Variants in PTPRK observed in about 807,000 individuals in gnomAD.
PTPRK encodes protein tyrosine phosphatase receptor type K.
A neutral mutation model predicts 178.0 loss-of-function variants in PTPRK; 75 were observed. That is an observed-to-expected ratio of 0.42 (90% confidence interval 0.35 to 0.51). The LOEUF (loss-of-function observed/expected upper bound fraction) is 0.51, where lower values mean the gene tolerates loss of function less well. Among genes scored for constraint, PTPRK ranks in the 20% least tolerant of loss-of-function variants. PTPRK has a pLI of 0.02. For missense variants in PTPRK, 1,441 were observed against 1,797.8 expected, an observed-to-expected ratio of 0.80 and a Z score of 3.59; for synonymous variants, 637 against 620.6, an observed-to-expected ratio of 1.03 and a Z score of -0.39.
At chr6:128,213,047 T>C (rs1009339946) in intron 6 of PTPRK, among the ~76,000 whole-genome samples, 6 of 152,082 alleles carry the variant, frequency 3.9e-5, no homozygotes, top group African/African-American at 1.4e-4. Flanking sequence ...ATAATTTTTC[T>C]ACTACTCTTA....
At chr6:128,055,596 T>C (rs934169336) in intron 13 of PTPRK, among the ~76,000 whole-genome samples, 2 of 152,044 alleles carry the variant, frequency 1.3e-5, no homozygotes, top group African/African-American at 4.8e-5. Flanking sequence ...TATTGTTTTT[T>C]GTTTTGTTTT....
chr6:128,159,378 C>CAAGTGATT (rs1198908936), intron 7 of PTPRK, among the ~76,000 whole-genome samples: 2 of 151,710 alleles, frequency 1.3e-5, no homozygotes, highest in African/African-American at 4.8e-5. Flanking sequence ...ATAAAAATGC[C>CAAGTGATT]AAGTGATTTT....
At chr6:128,198,028 C>T (rs2128255534) in intron 6 of PTPRK, among the ~76,000 whole-genome samples, 1 of 152,198 alleles carries the variant, frequency 6.6e-6, no homozygotes, top group East Asian at 1.9e-4. Flanking sequence ...ATTCTAGCCT[C>T]CAGGAGTTTA....
intron 3 of PTPRK, among the ~76,000 whole-genome samples, chr6:128,262,244 T>A (rs988328038): frequency 6.6e-6 from 1 of 152,160 alleles, no homozygotes; most frequent in African/African-American, 2.4e-5. Flanking sequence ...CTCCCTAGGT[T>A]TAAAATGTGA....
At chr6:128,322,518 T>C (rs1267933711) in intron 2 of PTPRK, among the ~76,000 whole-genome samples, 1 of 151,976 alleles carries the variant, frequency 6.6e-6, no homozygotes. Context: ...ACACATTCTG[T>C]ATCAATTCAT....
In PTPRK at chr6:128,127,163, A is replaced by G. The variant is rs1793514166; in HGVS notation, c.1163-37171T>C. ...GATCTATATGTCTAGTATTTCTCCA[A>G]TACCACATTATCTTGACTACTGTAG... On this transcript the variant is annotated intron_variant, in intron 7 of 29. Transcript: ENST00000368226. Among the ~76,000 whole-genome samples, 3 of 152,290 alleles carry G rather than the reference A, an allele frequency of 2.0e-5. No individual in the cohort carries two copies. In the South Asian group the frequency reaches 6.2e-4, roughly 32 times the overall value.
intron 1 of PTPRK, among the ~76,000 whole-genome samples, chr6:128,470,304 T>C (rs1432951350): frequency 6.6e-6 from 1 of 151,574 alleles, no homozygotes; most frequent in African/African-American, 2.4e-5. Context: ...TCTAAGGTTT[T>C]CTAGAGTTCT....
intron 7 of PTPRK, among the ~76,000 whole-genome samples, chr6:128,158,431 A>G (rs1414279313): frequency 1.3e-5 from 2 of 151,926 alleles, no homozygotes; most frequent in Admixed American, 6.6e-5. Flanking sequence ...GAAAGTATCT[A>G]TAAGGAAATG....
intron 1 of PTPRK, among the ~76,000 whole-genome samples, chr6:128,493,759 T>C (rs1854249554): frequency 6.6e-6 from 1 of 152,042 alleles, no homozygotes; most frequent in South Asian, 2.1e-4. Context: ...AATGGGTGAC[T>C]TGGTGTCATC....
At chr6:128,160,500 A>G (rs1320763039) in intron 7 of PTPRK, among the ~76,000 whole-genome samples, 2 of 151,704 alleles carry the variant, frequency 1.3e-5, no homozygotes, top group Non-Finnish European at 3.0e-5. Context: ...CCTAAGAGAG[A>G]AGGAGTTTGC....
At chr6:128,315,982 C>T (rs778216312) in intron 3 of PTPRK, among the ~76,000 whole-genome samples, 2 of 151,990 alleles carry the variant, frequency 1.3e-5, no homozygotes, top group Non-Finnish European at 2.9e-5. Context: ...AGACCAATTC[C>T]AATTAACTAT....
At chr6:128,009,093 T>C in intron 14 of PTPRK, 37 bp downstream of exon 14, 8 of 1,537,714 alleles carry the variant, frequency 5.2e-6, no homozygotes, top group Non-Finnish European at 7.1e-6. Flanking sequence ...GTGACATAAA[T>C]GGTAAGTGAG....
chr6:128,284,206 C>T (rs1460081389), intron 3 of PTPRK, among the ~76,000 whole-genome samples: 1 of 152,182 alleles, frequency 6.6e-6, no homozygotes. Flanking sequence ...TCCCAAAGCA[C>T]CTTTTAAATG....
chr6:128,188,972 T>C (rs1803241867), intron 6 of PTPRK, among the ~76,000 whole-genome samples: 1 of 152,150 alleles, frequency 6.6e-6, no homozygotes, highest in African/African-American at 2.4e-5. Context: ...TAATCACACC[T>C]GCAAACATCA....
At chr6:128,391,829 C>T (rs953097814) in intron 2 of PTPRK, among the ~76,000 whole-genome samples, 1 of 151,838 alleles carries the variant, frequency 6.6e-6, no homozygotes, top group Admixed American at 6.6e-5. Flanking sequence ...ATTACTAAAT[C>T]TTCTCTTATA....
chr6:128,234,724 G>A (rs1812914229), intron 5 of PTPRK, among the ~76,000 whole-genome samples: 1 of 152,072 alleles, frequency 6.6e-6, no homozygotes, highest in African/African-American at 2.4e-5. Flanking sequence ...CTATTATCCT[G>A]TTCATGGACA....
At chr6:128,046,799 T>G (rs1249631645) in intron 13 of PTPRK, among the ~76,000 whole-genome samples, 1 of 152,126 alleles carries the variant, frequency 6.6e-6, no homozygotes, top group Non-Finnish European at 1.5e-5. Context: ...TCACCAGTGG[T>G]GACTCTAATG....
At position 128,314,276 on chromosome 6, in the gene PTPRK, C is replaced by G. The variant is rs547569190; in HGVS notation, c.495+7763G>C. 4.6e-5 allele frequency among the ~76,000 whole-genome samples: 7 copies of G among 152,324 alleles called. No individual in the cohort carries two copies. In the South Asian group the frequency reaches 1.5e-3, roughly 32 times the overall value. On this transcript the variant is annotated intron_variant, in intron 3 of 29. Transcript: ENST00000368226. ...TTATTTATCTGGATTTTCTCCCCCA[C>G]TGGCTCTGACCCCTAGAGTAGAATT...
intron 5 of PTPRK, among the ~76,000 whole-genome samples, chr6:128,231,883 T>C (rs549645503): frequency 6.6e-6 from 1 of 152,304 alleles, no homozygotes; most frequent in African/African-American, 2.4e-5. Flanking sequence ...TCTTCTCAAA[T>C]TCTATAAAAT....
Sources: allele counts gnomAD v4.1 joint callset (sites outside exome capture counted in the v4.1 genomes callset), GRCh38; gene constraint gnomAD v4.1.1; transcripts MANE v1.5; gene names NCBI Gene and HGNC (gene_info 2026-07-23, HGNC 2026-07-21).